Variants in LYPD6B observed in about 807,000 individuals in gnomAD.
The protein encoded by LYPD6B is LY6/PLAUR domain containing 6B, also known as ly6/PLAUR domain-containing protein 6B.
Under a neutral mutation model 22.8 loss-of-function variants are expected in LYPD6B, and 17 were observed. That is an observed-to-expected ratio of 0.75 (90% CI 0.51 to 1.12). The LOEUF is 1.12. Ranked by LOEUF, LYPD6B falls within the 50% of genes most tolerant of loss-of-function variation. The pLI is 0.00. For synonymous variants in LYPD6B, 106 were observed against 91.6 expected (o/e 1.16, Z -0.90); for missense variants, 221 against 258.3 (o/e 0.86, Z 0.99).
At chr2:149,046,688 T>C (rs1683320713) in intron 1 of LYPD6B, among the ~76,000 whole-genome samples, 1 of 152,106 alleles carries the variant, frequency 6.6e-6, no homozygotes, top group Non-Finnish European at 1.5e-5. Context: ...TAGTGATTGC[T>C]CTAGAGTTAA....
At position 149,214,844 on chromosome 2, in the gene LYPD6B, A is replaced by G; in HGVS notation, c.*134A>G. ...CACATTGGACCTCAAGGCGAAAGCC[A>G]GTGGTTTGCTTGGATAAAATGTTCC... On this transcript the variant is annotated 3_prime_UTR_variant, in exon 7 of 7. Coordinates refer to ENST00000409642, the MANE Select transcript of LYPD6B (RefSeq NM_177964.5). 1 of 956,328 alleles carries G rather than the reference A, an allele frequency of 1.0e-6. No individual in the cohort carries two copies. Among genetic ancestry groups the G allele is most frequent in the Non-Finnish European group, 1.6e-6 (1 of 615,824 alleles). 59.2% of individuals were successfully genotyped at this position (956,328 alleles called of 1,614,324 possible).
intron 1 of LYPD6B, among the ~76,000 whole-genome samples, chr2:149,064,294 T>C (rs903224227): frequency 6.6e-6 from 1 of 152,230 alleles, no homozygotes; most frequent in East Asian, 1.9e-4. Flanking sequence ...ATTAGAGTTA[T>C]GGTTATGGAC....
intron 1 of LYPD6B, among the ~76,000 whole-genome samples, chr2:149,110,849 G>A (rs1161940048): frequency 6.6e-6 from 1 of 152,110 alleles, no homozygotes; most frequent in Admixed American, 6.5e-5. Context: ...TATGTACTTT[G>A]AAGAAAAATA....
chr2:149,160,660 A>C (rs918810739), intron 2 of LYPD6B, 104 bp from the exon 3 acceptor site: 4 of 797,196 alleles, frequency 5.0e-6, no homozygotes, highest in Non-Finnish European at 8.5e-6. Flanking sequence ...AAACATCTCC[A>C]AACATCCAGA....
At chr2:149,120,162 T>C (rs892876823) in intron 1 of LYPD6B, among the ~76,000 whole-genome samples, 1 of 151,812 alleles carries the variant, frequency 6.6e-6, no homozygotes, top group Admixed American at 6.6e-5. Flanking sequence ...TTATGTCCTT[T>C]GTTTTATTTC....
chr2:149,039,595 A>C (rs1361047843), intron 1 of LYPD6B, among the ~76,000 whole-genome samples: 1 of 152,206 alleles, frequency 6.6e-6, no homozygotes, highest in Non-Finnish European at 1.5e-5. Context: ...AAAGTAAAAT[A>C]GGTATTATTA....
intron 1 of LYPD6B, among the ~76,000 whole-genome samples, chr2:149,063,022 C>T (rs1684164021): frequency 6.6e-6 from 1 of 152,110 alleles, no homozygotes; most frequent in Non-Finnish European, 1.5e-5. Context: ...CCCTCTCTCT[C>T]TCTCTTCCTT....
intron 2 of LYPD6B, among the ~76,000 whole-genome samples, chr2:149,146,979 C>T (rs1689067014): frequency 6.6e-6 from 1 of 152,208 alleles, no homozygotes; most frequent in Non-Finnish European, 1.5e-5. Context: ...TACGGGTGCC[C>T]TCCTGAGGCC....
intron 1 of LYPD6B, among the ~76,000 whole-genome samples, chr2:149,075,306 A>C (rs78206562): frequency 0.017 from 2,545 of 152,296 alleles, 66 homozygotes; most frequent in African/African-American, 0.055. Context: ...TATTATAGTA[A>C]TAGAAAAATG....
intron 1 of LYPD6B, among the ~76,000 whole-genome samples, chr2:149,120,784 C>CTTTTTTTTTTTTTT (rs567231544): frequency 3.1e-5 from 3 of 95,554 alleles, no homozygotes; most frequent in East Asian, 3.2e-4. Flanking sequence ...GCTACAAAGT[C>CTTTTTTTTTTTTTT]TTTTTTTTTT....
chr2:149,088,011 T>G (rs751974603), intron 1 of LYPD6B, among the ~76,000 whole-genome samples: 1 of 152,148 alleles, frequency 6.6e-6, no homozygotes, highest in Non-Finnish European at 1.5e-5. Context: ...CTGGTCCCTT[T>G]CAACTCCCAT....
At chr2:149,128,872 TA>T (rs1023826029) in intron 1 of LYPD6B, among the ~76,000 whole-genome samples, 2 of 152,248 alleles carry the variant, frequency 1.3e-5, no homozygotes, top group African/African-American at 4.8e-5. Context: ...CTCTATTTTT[TA>T]TCTTGCCTAG....
intron 6 of LYPD6B, among the ~76,000 whole-genome samples, chr2:149,213,553 A>G (rs1694007243): frequency 1.3e-5 from 2 of 152,222 alleles, no homozygotes; most frequent in African/African-American, 2.4e-5. Context: ...TTCTCATTCT[A>G]TCATTCTAAA....
intron 1 of LYPD6B, among the ~76,000 whole-genome samples, chr2:149,107,927 T>C (rs1686556902): frequency 6.6e-6 from 1 of 152,206 alleles, no homozygotes; most frequent in Admixed American, 6.5e-5. Context: ...ACTTGTTCTA[T>C]CAATTATTGA....
chr2:149,150,677 T>C (rs1330899960), intron 2 of LYPD6B, among the ~76,000 whole-genome samples: 2 of 152,208 alleles, frequency 1.3e-5, no homozygotes, highest in Non-Finnish European at 2.9e-5. Flanking sequence ...TTCATTTTGC[T>C]GGGCCTTCTC....
At position 149,038,712 on chromosome 2, in the gene LYPD6B, A is replaced by C. The variant is rs1386839991; in HGVS notation, c.-156A>C. On this transcript the variant is annotated 5_prime_UTR_variant, in exon 1 of 7. Transcript: ENST00000409642. ...GCCGCGCCCCGCCCCGCGCGGTAGC[A>C]GCCAACGCCGGCCCCAGGCGGGTGC... is the stretch of plus-strand genomic sequence containing the variant. 2.6e-5 allele frequency: 4 copies of C among 151,462 alleles called. No homozygotes were observed. The highest frequency in any genetic ancestry group is 2.9e-5 in the Non-Finnish European group (2 of 67,844). The allele number at this position is 151,462 out of a possible 1,614,324, so 9.4% of individuals were successfully genotyped here.
intron 6 of LYPD6B, among the ~76,000 whole-genome samples, chr2:149,214,265 T>A (rs750389583): frequency 6.6e-6 from 1 of 152,154 alleles, no homozygotes; most frequent in East Asian, 1.9e-4. Flanking sequence ...AATCAAGCAC[T>A]CTTATGCAGT....
chr2:149,170,559 A>C (rs1690748113), intron 3 of LYPD6B, among the ~76,000 whole-genome samples: 1 of 152,182 alleles, frequency 6.6e-6, no homozygotes. Flanking sequence ...ATGTGTGTTC[A>C]GTTCATTTCA....
intron 2 of LYPD6B, among the ~76,000 whole-genome samples, chr2:149,159,631 AAG>A (rs1190150937): frequency 2.2e-5 from 3 of 138,286 alleles, no homozygotes; most frequent in African/African-American, 5.5e-5. Context: ...TGTGTATAGA[AAG>A]AGAGAGAGAG....
Sources: gnomAD v4.1 joint callset for allele counts (sites outside exome capture counted in the v4.1 genomes callset) on GRCh38, gnomAD v4.1.1 for gene constraint, MANE v1.5 for transcripts, NCBI Gene and HGNC (gene_info 2026-07-23, HGNC 2026-07-21) for gene names.